CYP4Z1: variants seen among roughly 807,000 people sequenced by gnomAD.
CYP4Z1 encodes the protein cytochrome P450 family 4 subfamily Z member 1, also known as cytochrome P450 4Z1.
CYP4Z1 carries 41 observed loss-of-function variants against 54.2 expected under a neutral mutation model. The observed-to-expected ratio is 0.76, with a 90% CI of 0.59 to 0.98. CYP4Z1 has a LOEUF of 0.98. Ranked by LOEUF, CYP4Z1 falls within the 50% of genes least tolerant of loss-of-function variation. CYP4Z1 has a pLI of 0.00. For synonymous variants in CYP4Z1, 163 were observed against 206.2 expected, an observed-to-expected ratio of 0.79 and a Z score of 1.79; for missense variants, 513 against 599.0, an observed-to-expected ratio of 0.86 and a Z score of 1.50.
At chr1:47,087,393 CT>C (rs1644604237) in intron 6 of CYP4Z1, among the ~76,000 whole-genome samples, 1 of 152,164 alleles carries the variant, frequency 6.6e-6, no homozygotes, top group Non-Finnish European at 1.5e-5. Context: ...TATAGTTCTC[CT>C]TGAAGAGGTC....
chr1:47,112,462 G>C (rs906849189), intron 9 of CYP4Z1, among the ~76,000 whole-genome samples: 1 of 152,012 alleles, frequency 6.6e-6, no homozygotes, highest in Non-Finnish European at 1.5e-5. Context: ...AAGTTGTCCA[G>C]AGCATAGAAA....
At chr1:47,103,828 T>A (rs1644738141) in intron 8 of CYP4Z1, among the ~76,000 whole-genome samples, 3 of 152,148 alleles carry the variant, frequency 2.0e-5, no homozygotes, top group African/African-American at 7.2e-5. Flanking sequence ...ACTCTTGACC[T>A]CAGGTTATCC....
chr1:47,095,446 A>G (rs11211439), intron 7 of CYP4Z1, among the ~76,000 whole-genome samples: 63,955 of 152,050 alleles, frequency 0.42, 14,835 homozygotes, highest in East Asian at 0.97. Context: ...CTTGGCAATC[A>G]ACAGTCACTC....
chr1:47,082,242 G>C, intron 3 of CYP4Z1, 92 bp from the exon 4 acceptor site: 1 of 1,457,950 alleles, frequency 6.9e-7, no homozygotes, highest in Non-Finnish European at 9.2e-7. Context: ...CTTTTCTCCA[G>C]TGTCATAGAT....
intron 9 of CYP4Z1, 24 bp from the exon 10 acceptor site, chr1:47,115,505 C>T (rs1422233183): frequency 1.2e-6 from 2 of 1,607,190 alleles, no homozygotes; most frequent in East Asian, 2.2e-5. Context: ...ATGCACTTAC[C>T]TGCTTTTTCT....
At chr1:47,074,906 TG>T (rs1375493745) in intron 2 of CYP4Z1, 2 of 484,474 alleles carry the variant, frequency 4.1e-6, no homozygotes, top group Non-Finnish European at 8.0e-6. Flanking sequence ...GGTACCTCAC[TG>T]GGGGGCTGGT....
At chr1:47,107,870 TG>T (rs1442671510) in intron 9 of CYP4Z1, among the ~76,000 whole-genome samples, 10 of 152,338 alleles carry the variant, frequency 6.6e-5, no homozygotes, top group Admixed American at 2.0e-4. Context: ...TTGTGGCTTT[TG>T]CAGCTGCTGC....
chr1:47,101,679 T>C (rs1644722815), intron 8 of CYP4Z1, among the ~76,000 whole-genome samples: 1 of 152,210 alleles, frequency 6.6e-6, no homozygotes, highest in African/African-American at 2.4e-5. Flanking sequence ...CAGTCTATAC[T>C]GGAAAATATT....
At chr1:47,110,773 T>C (rs887844485) in intron 9 of CYP4Z1, among the ~76,000 whole-genome samples, 8 of 151,066 alleles carry the variant, frequency 5.3e-5, no homozygotes, top group Non-Finnish European at 1.2e-4. Flanking sequence ...TGCCAGGATA[T>C]AAACCTAATC....
At chr1:47,085,334 A>G (rs1436569660) in intron 6 of CYP4Z1, among the ~76,000 whole-genome samples, 10 of 152,108 alleles carry the variant, frequency 6.6e-5, no homozygotes, top group Non-Finnish European at 5.9e-5. Context: ...AGTACTGAAC[A>G]TGAGTGGGTA....
intron 4 of CYP4Z1, among the ~76,000 whole-genome samples, 188 bp downstream of exon 4, chr1:47,082,649 G>C (rs1162136295): frequency 6.6e-6 from 1 of 151,852 alleles, no homozygotes; most frequent in East Asian, 1.9e-4. Context: ...ACTTCTCACA[G>C]GGATGGACTC....
chr1:47,083,352 A>G (rs1277666387), intron 4 of CYP4Z1, among the ~76,000 whole-genome samples: 2 of 152,198 alleles, frequency 1.3e-5, no homozygotes, highest in Non-Finnish European at 2.9e-5. Context: ...CAAAACATAT[A>G]AATATAGTGA....
chr1:47,073,795 TGTC>T (rs1380993334), intron 2 of CYP4Z1, among the ~76,000 whole-genome samples: 2 of 152,102 alleles, frequency 1.3e-5, no homozygotes, highest in Non-Finnish European at 1.5e-5. Context: ...TTAATTGGGC[TGTC>T]TTTTTATTGT....
At chr1:47,096,414 G>C (rs114002553) in intron 7 of CYP4Z1, among the ~76,000 whole-genome samples, 1 of 152,118 alleles carries the variant, frequency 6.6e-6, no homozygotes, top group African/African-American at 2.4e-5. Context: ...AAAAATAATA[G>C]TAAAAAATAA....
At chr1:47,055,866 G>A in the CYP4Z1 span, among the ~76,000 whole-genome samples, 1 of 151,554 alleles carries the variant, frequency 6.6e-6, no homozygotes, top group African/African-American at 2.4e-5. Context: ...TTTTCAGAAA[G>A]CCAGCTCCTG....
chr1:47,106,901 G>A (rs1189342247), intron 9 of CYP4Z1, among the ~76,000 whole-genome samples: 1 of 152,196 alleles, frequency 6.6e-6, no homozygotes, highest in East Asian at 1.9e-4. Context: ...CAACATTAGA[G>A]ACATAAAGGA....
At chr1:47,110,016 T>A (rs6689866) in intron 9 of CYP4Z1, among the ~76,000 whole-genome samples, 64,389 of 150,872 alleles carry the variant, frequency 0.43, 15,016 homozygotes, top group East Asian at 0.96. Context: ...TTGGTTTAAA[T>A]ATGTAATTTT....
chr1:47,096,629 CT>C (rs35869199), intron 7 of CYP4Z1: 45,287 of 121,160 alleles, frequency 0.37, 8,873 homozygotes, highest in East Asian at 0.85. Flanking sequence ...ATTTGCTCTT[CT>C]TTTTTTTTTT....
intron 9 of CYP4Z1, among the ~76,000 whole-genome samples, chr1:47,106,538 G>A (rs1209897836): frequency 1.3e-5 from 2 of 152,092 alleles, no homozygotes; most frequent in Non-Finnish European, 1.5e-5. Context: ...GAAACTTAAA[G>A]GACTAGATTT....
Sources: gnomAD v4.1 joint callset for allele counts (sites outside exome capture counted in the v4.1 genomes callset) on GRCh38, gnomAD v4.1.1 for gene constraint, MANE v1.5 for transcripts, NCBI Gene and HGNC (gene_info 2026-07-23, HGNC 2026-07-21) for gene names.